KIF4B: variants seen among roughly 807,000 people sequenced by gnomAD.
KIF4B encodes kinesin family member 4B, also known as chromosome-associated kinesin KIF4B.
KIF4B carries 60 observed loss-of-function variants against 69.0 expected under a neutral mutation model. The ratio of observed to expected loss-of-function variants is 0.87; its 90% CI spans 0.71 to 1.08. The LOEUF (loss-of-function observed/expected upper bound fraction) is 1.08, where lower values mean the gene tolerates loss of function less well. Among genes scored for constraint, KIF4B ranks in the 50% least tolerant of loss-of-function variants. KIF4B has a pLI of 0.00. For missense variants in KIF4B, 1,357 were observed against 1,451.9 expected, an observed-to-expected ratio of 0.93 and a Z score of 1.06; for synonymous variants, 489 against 533.0, an observed-to-expected ratio of 0.92 and a Z score of 1.14.
Position 155,015,711 on chromosome 5 carries a change from G to T in KIF4B, c.1852G>T (p.Glu618Ter), listed in dbSNP as rs1221218253. The change falls in exon 1 of 1, where the codon GAG (glutamate) becomes TAG (stop). Residue 618 changes from glutamate to a stop codon, truncating the protein, a stop_gained. Coordinates refer to ENST00000435029, the MANE Select transcript of KIF4B (RefSeq NM_001099293.3). LOFTEE classifies it high-confidence loss of function. Reference protein sequence around the residue: ...QIADLKKKLNEQSKLLKLKES... With the variant: ...QIADLKKKLN ...AGCTGATCTGAAGAAGAAACTGAAT[G>T]AGCAGTCCAAACTTCTGAAACTAAA... is the stretch of plus-strand genomic sequence containing the variant. 2.5e-6 allele frequency: 4 copies of T among 1,614,056 alleles called. No homozygotes were observed. Among genetic ancestry groups the T allele is most frequent in the Non-Finnish European group, 3.4e-6 (4 of 1,180,056 alleles).
rs181149561 is a variant in KIF4B at position 155,017,561 on chromosome 5, C to G, written c.3702C>G (p.His1234Gln). ...SGCSPIEEEA[H>Q] Reference sequence around the variant, plus strand: ...GCTCCCCTATCGAAGAAGAGGCCCACTGAAGTTGGAGTCATCATCTCTACC... The same window carrying G: ...GCTCCCCTATCGAAGAAGAGGCCCAGTGAAGTTGGAGTCATCATCTCTACC... Residue 1234 changes from histidine (H) to glutamine (Q), a missense_variant, in exon 1 of 1, where the codon CAC becomes CAG. His to Gln is a conservative substitution (Grantham distance 24). Coordinates refer to ENST00000435029, the MANE Select transcript of KIF4B (RefSeq NM_001099293.3). 1.9e-6 allele frequency: 3 copies of G among 1,611,754 alleles called. No homozygotes were observed. The highest frequency in any genetic ancestry group is 2.2e-5 in the South Asian group (2 of 90,852).
rs1003572806 is a variant in KIF4B at position 155,016,147 on chromosome 5, A to G, written c.2288A>G (p.His763Arg). The G allele has an allele frequency of 6.2e-6, 10 of 1,614,108 alleles. No individual in the cohort carries two copies. Among genetic ancestry groups the G allele is most frequent in the Non-Finnish European group, 4.2e-6 (5 of 1,180,056 alleles). ...GTCAGTACTGAGGAAGCCAAACGCC[A>G]TCTGAATGACCTCCTTGAAGACAGA... The part of the protein sequence containing the change: ...VMVSTEEAKR[H>R]LNDLLEDRKI... The change falls in exon 1 of 1, where the codon CAT (histidine) becomes CGT (arginine). Residue 763 changes from histidine to arginine, a missense_variant. Coordinates refer to ENST00000435029, the MANE Select transcript of KIF4B (RefSeq NM_001099293.3).
At position 155,015,375 on chromosome 5, in the gene KIF4B, A is replaced by T; in HGVS notation, c.1516A>T (p.Arg506Trp). 1 of 1,614,210 alleles carries T rather than the reference A, an allele frequency of 6.2e-7. No individual in the cohort carries two copies. Among genetic ancestry groups the T allele is most frequent in the Non-Finnish European group, 8.5e-7 (1 of 1,180,038 alleles). Reference sequence around the variant, plus strand: ...AGTGGAAACCAGTCCAGAGACAAGCAGGTCTTCTGACGCTTTTACCACTCA... The same window carrying T: ...AGTGGAAACCAGTCCAGAGACAAGCTGGTCTTCTGACGCTTTTACCACTCA... Reference protein sequence around the residue: ...AQVETSPETSRSSDAFTTQHA... With the variant: ...AQVETSPETSWSSDAFTTQHA... Residue 506 changes from arginine to tryptophan, a missense_variant, in exon 1 of 1, where the codon AGG becomes TGG. By Grantham distance (101) the Arg-to-Trp change is moderately radical. Coordinates refer to ENST00000435029, the MANE Select transcript of KIF4B (RefSeq NM_001099293.3).
chr5:155,015,526 A>G lies in KIF4B; in HGVS notation c.1667A>G (p.Gln556Arg), dbSNP rs1161987760. Residue 556 changes from glutamine (Q) to arginine (R), a missense_variant, in exon 1 of 1, where the codon CAA becomes CGA. By Grantham distance (43) the Gln-to-Arg change is conservative (BLOSUM62 1). Coordinates refer to ENST00000435029, the MANE Select transcript of KIF4B (RefSeq NM_001099293.3). ...AACCAACTACAGCCCATTCAGTTTC[A>G]ATACCAGGATAACATAAAAAATCTA... Reference protein sequence around the residue: ...NDNQLQPIQFQYQDNIKNLEL... With the variant: ...NDNQLQPIQFRYQDNIKNLEL... 1.9e-6 allele frequency: 3 copies of G among 1,614,242 alleles called. No homozygotes were observed. The highest frequency in any genetic ancestry group is 2.2e-5 in the South Asian group (2 of 91,086).
chr5:155,015,056 T>C lies in KIF4B; in HGVS notation c.1197T>C (p.Asn399=), dbSNP rs775915171. The C allele has an allele frequency of 1.9e-6, 3 of 1,613,870 alleles. No individual in the cohort carries two copies. Among genetic ancestry groups the C allele is most frequent in the African/African-American group, 2.7e-5 (2 of 74,834 alleles). ...AGAATCAGTCCCTGGTAGAGGAGAA[T>C]GAAAAATTAAGTCGTTGTCTGAGCA... is the stretch of plus-strand genomic sequence containing the variant. ...MEKNQSLVEE[N]EKLSRCLSKA... The change falls in exon 1 of 1, where the codon AAT becomes AAC. Residue 399 remains asparagine, a synonymous_variant. Transcript: ENST00000435029.
chr5:155,015,799 G>A lies in KIF4B; in HGVS notation c.1940G>A (p.Arg647Gln), dbSNP rs149307043. Residue 647 changes from arginine to glutamine, a missense_variant, in exon 1 of 1, where the codon CGG becomes CAG. By Grantham distance (43) the Arg-to-Gln change is conservative (BLOSUM62 1). Coordinates refer to ENST00000435029, the MANE Select transcript of KIF4B (RefSeq NM_001099293.3). ...NQEIWMMKNQ[R>Q]VQLMRQMKED... ...GAGATATGGATGATGAAAAACCAGCGGGTACAGTTAATGCGTCAAATGAAA... is the reference window on the plus strand; with the variant it reads ...GAGATATGGATGATGAAAAACCAGCAGGTACAGTTAATGCGTCAAATGAAA... 2.4e-5 allele frequency: 39 copies of A among 1,614,128 alleles called. No individual in the cohort carries two copies. The highest frequency in any genetic ancestry group is 6.6e-5 in the South Asian group (6 of 91,074).
In KIF4B at chr5:155,014,793, T is replaced by G. The variant is rs768533430; in HGVS notation, c.934T>G (p.Cys312Gly). The G allele has an allele frequency of 6.2e-7, 1 of 1,614,192 alleles. No homozygotes were observed. The highest frequency in any genetic ancestry group is 8.5e-7 in the Non-Finnish European group (1 of 1,180,032). ...TAACAGCCACACTCTTATGATAGCCTGTGTGAGTCCTGCTGACTCCAATCT... is the reference window on the plus strand; with the variant it reads ...TAACAGCCACACTCTTATGATAGCCGGTGTGAGTCCTGCTGACTCCAATCT... ...GGNSHTLMIA[C>G]VSPADSNLEE... The change falls in exon 1 of 1, where the codon TGT (cysteine) becomes GGT (glycine). Residue 312 changes from cysteine (C) to glycine (G), a missense_variant. By Grantham distance (159) the Cys-to-Gly change is radical. Coordinates refer to ENST00000435029, the MANE Select transcript of KIF4B (RefSeq NM_001099293.3).
At position 155,014,032 on chromosome 5, in the gene KIF4B, G is replaced by A. The variant is rs769052900; in HGVS notation, c.173G>A (p.Cys58Tyr). ...ACCTACGATTTTGTGTTTGACCCCT[G>A]TACTGAGCAGGAAGAAGTCTTCAAT... Reference protein sequence around the residue: ...SFTYDFVFDPCTEQEEVFNKA... With the variant: ...SFTYDFVFDPYTEQEEVFNKA... The change falls in exon 1 of 1, where the codon TGT becomes TAT. Residue 58 changes from cysteine (C) to tyrosine (Y), a missense_variant. Transcript: ENST00000435029. The A allele has an allele frequency of 3.3e-5, 54 of 1,614,070 alleles. No homozygotes were observed. Among genetic ancestry groups the A allele is most frequent in the Non-Finnish European group, 4.3e-5 (51 of 1,180,034 alleles).
rs1242405806 is a variant in KIF4B at position 155,016,855 on chromosome 5, TAGCCAGC to T, written c.2999_3005del (p.Ala1000AspfsTer43). The T allele has an allele frequency of 1.2e-6, 2 of 1,614,210 alleles. No homozygotes were observed. The highest frequency in any genetic ancestry group is 1.7e-6 in the Non-Finnish European group (2 of 1,180,048). ...AAGCAGAAACTGATCCTCCTCCAGG[TAGCCAGC>T]AGACAGAAACATCTTCCTAATGATA... On this transcript the variant is annotated frameshift_variant, in exon 1 of 1. Coordinates refer to ENST00000435029, the MANE Select transcript of KIF4B (RefSeq NM_001099293.3). LOFTEE classifies it low-confidence loss of function (END_TRUNC).
At position 155,014,097 on chromosome 5, in the gene KIF4B, T is replaced by C; in HGVS notation, c.238T>C (p.Tyr80His). 3 of 1,614,202 alleles carry C rather than the reference T, an allele frequency of 1.9e-6. No individual in the cohort carries two copies. Among genetic ancestry groups the C allele is most frequent in the Non-Finnish European group, 2.5e-6 (3 of 1,180,044 alleles). Residue 80 changes from tyrosine to histidine, a missense_variant, in exon 1 of 1, where the codon TAT (tyrosine) becomes CAT (histidine). Physicochemically the swap from Tyr to His is moderately conservative, Grantham distance 83. Coordinates refer to ENST00000435029, the MANE Select transcript of KIF4B (RefSeq NM_001099293.3). ...GCTCATAAAAGGCATATTTAAAGGA[T>C]ATAATGCAACGGTCCTGGCCTATGG... ...APLIKGIFKG[Y>H]NATVLAYGQT...
rs1765276275 is a variant in KIF4B, at chr5:155,013,938, G to T, written c.79G>T (p.Gly27Cys). 2.5e-6 allele frequency: 4 copies of T among 1,614,128 alleles called. No homozygotes were observed. Among genetic ancestry groups the T allele is most frequent in the Non-Finnish European group, 3.4e-6 (4 of 1,180,052 alleles). ...RPLVPKEISE[G>C]CQMCLSFVPG... ...TCTGGTCCCCAAAGAGATTAGCGAG[G>T]GCTGCCAGATGTGCCTTTCCTTCGT... The change falls in exon 1 of 1, where the codon GGC becomes TGC. Residue 27 changes from glycine (G) to cysteine (C), a missense_variant. Transcript: ENST00000435029.
Position 155,017,592 on chromosome 5 carries a change from T to A in KIF4B, c.*28T>A, listed in dbSNP as rs1280497194. On this transcript the variant is annotated 3_prime_UTR_variant, in exon 1 of 1. Transcript: ENST00000435029. ...TTGGAGTCATCATCTCTACCCCCAATCTGGCTTGGGAGATGCTTTCCAGTT... is the reference window on the plus strand; with the variant it reads ...TTGGAGTCATCATCTCTACCCCCAAACTGGCTTGGGAGATGCTTTCCAGTT... 6.3e-7 allele frequency: 1 copy of A among 1,599,938 alleles called. No individual in the cohort carries two copies. The highest frequency in any genetic ancestry group is 8.5e-7 in the Non-Finnish European group (1 of 1,174,562).
chr5:155,017,561 C>T lies in KIF4B; in HGVS notation c.3702C>T (p.His1234=), dbSNP rs181149561. 5.6e-6 allele frequency: 9 copies of T among 1,611,754 alleles called. 1 individual carries two copies. The Admixed American group carries it at 1.3e-4, about 24-fold the overall frequency. The stretch of plus-strand genomic sequence containing the variant: ...GCTCCCCTATCGAAGAAGAGGCCCA[C>T]TGAAGTTGGAGTCATCATCTCTACC... ...SGCSPIEEEA[H] The change falls in exon 1 of 1, where the codon CAC becomes CAT. Residue 1234 remains histidine (H), a synonymous_variant. Coordinates refer to ENST00000435029, the MANE Select transcript of KIF4B (RefSeq NM_001099293.3).
In KIF4B at chr5:155,017,059, G is replaced by GGGATGATGAGGA. The variant is rs749080421; in HGVS notation, c.3201_3212dup (p.Asp1068_Glu1071dup). On this transcript the variant is annotated inframe_insertion, in exon 1 of 1. Transcript: ENST00000435029. ...GATGGTGATGGCGACAGTGATGAGGGGGATGATGAGGAATGGAAGCCAACA... is the reference window on the plus strand; with the variant it reads ...GATGGTGATGGCGACAGTGATGAGGGGGATGATGAGGAGGATGATGAGGAATGGAAGCCAACA... 15 of 1,614,022 alleles carry GGGATGATGAGGA rather than the reference G, an allele frequency of 9.3e-6. No homozygotes were observed. In the African/African-American group the frequency reaches 1.7e-4, roughly 19 times the overall value.
rs1765316997 is a variant in KIF4B, at chr5:155,015,782, G to A, written c.1923G>A (p.Trp641Ter). ...RTVSKLNQEIWMMKNQRVQLM... is the reference protein window; with the variant it reads ...RTVSKLNQEI Reference sequence around the variant, plus strand: ...TCTCCAAGCTGAACCAAGAGATATGGATGATGAAAAACCAGCGGGTACAGT... The same window carrying A: ...TCTCCAAGCTGAACCAAGAGATATGAATGATGAAAAACCAGCGGGTACAGT... Residue 641 changes from tryptophan (W) to a stop codon, truncating the protein, a stop_gained, in exon 1 of 1, where the codon TGG becomes TGA. Transcript: ENST00000435029. LOFTEE classifies it high-confidence loss of function. The A allele has an allele frequency of 2.5e-6, 4 of 1,614,158 alleles. No individual in the cohort carries two copies. The East Asian group carries it at 6.7e-5, about 27-fold the overall frequency.
chr5:155,016,635 C>T lies in KIF4B; in HGVS notation c.2776C>T (p.Gln926Ter). The change falls in exon 1 of 1, where the codon CAG becomes TAG. Residue 926 changes from glutamine (Q) to a stop codon, truncating the protein, a stop_gained. Coordinates refer to ENST00000435029, the MANE Select transcript of KIF4B (RefSeq NM_001099293.3). LOFTEE classifies it low-confidence loss of function (END_TRUNC). ...AGCTGAGCTGGTCAGAATGGAGCAA[C>T]AGCACCAAGAGAAGGTGCTATACCT... ...LQAELVRMEQ[Q>*]HQEKVLYLVS... 1 of 1,614,202 alleles carries T rather than the reference C, an allele frequency of 6.2e-7. No homozygotes were observed. The highest frequency in any genetic ancestry group is 1.7e-5 in the Admixed American group (1 of 60,024).
Position 155,015,201 on chromosome 5 carries a change from C to T in KIF4B, c.1342C>T (p.Gln448Ter). ...GCATGTGGCCTGCAAGCTGGATCTT[C>T]AAAAGCTAGTGGAGACTTTGGAAGA... ...RQHVACKLDL[Q>*]KLVETLEDQE... Residue 448 changes from glutamine to a stop codon, truncating the protein, a stop_gained, in exon 1 of 1, where the codon CAA becomes TAA. Coordinates refer to ENST00000435029, the MANE Select transcript of KIF4B (RefSeq NM_001099293.3). LOFTEE classifies it high-confidence loss of function. 2 of 1,614,166 alleles carry T rather than the reference C, an allele frequency of 1.2e-6. No homozygotes were observed. Among genetic ancestry groups the T allele is most frequent in the Non-Finnish European group, 1.7e-6 (2 of 1,180,032 alleles).
At position 155,017,814 on chromosome 5, in the gene KIF4B, T is replaced by C; in HGVS notation, c.*250T>C. 1 of 580,264 alleles carries C rather than the reference T, an allele frequency of 1.7e-6. No individual in the cohort carries two copies. The highest frequency in any genetic ancestry group is 3.0e-6 in the Non-Finnish European group (1 of 337,294). 35.9% of individuals were successfully genotyped at this position (580,264 alleles called of 1,614,324 possible). On this transcript the variant is annotated 3_prime_UTR_variant, in exon 1 of 1. Transcript: ENST00000435029. ...TGAAGAGAGAACCAACAGACTTTCC[T>C]AATGACTCATCAGGAACCAGTCCTC... is the stretch of plus-strand genomic sequence containing the variant.
Position 155,015,848 on chromosome 5 carries a change from A to G in KIF4B, c.1989A>G (p.Gln663=), listed in dbSNP as rs1034457822. ...AAGAGGATGCTGAGAAGTTTAGACA[A>G]TGGAAGCAGAAAAAAGACAAAGAAG... is the stretch of plus-strand genomic sequence containing the variant. ...QMKEDAEKFR[Q]WKQKKDKEVI... The change falls in exon 1 of 1, where the codon CAA becomes CAG. Residue 663 remains glutamine (Q), a synonymous_variant. Coordinates refer to ENST00000435029, the MANE Select transcript of KIF4B (RefSeq NM_001099293.3). 6.2e-6 allele frequency: 10 copies of G among 1,614,150 alleles called. No individual in the cohort carries two copies. Among genetic ancestry groups the G allele is most frequent in the African/African-American group, 1.3e-5 (1 of 74,952 alleles).
Sources: allele counts gnomAD v4.1 joint callset, GRCh38; gene constraint gnomAD v4.1.1; transcripts MANE v1.5; gene names NCBI Gene and HGNC (gene_info 2026-07-23, HGNC 2026-07-21).